RNF34: variants seen among roughly 807,000 people sequenced by gnomAD.
The protein encoded by RNF34 is E3 ubiquitin-protein ligase RNF34.
Under a neutral mutation model 37.9 loss-of-function variants are expected in RNF34, and 12 were observed. The observed-to-expected ratio is 0.32, with a 90% CI of 0.20 to 0.51. The LOEUF (loss-of-function observed/expected upper bound fraction) is 0.51. Among genes scored for constraint, RNF34 ranks in the 20% least tolerant of loss-of-function variants. The pLI is 0.97. For synonymous variants in RNF34, 155 were observed against 177.2 expected (o/e 0.87, Z 1.00); for missense variants, 362 against 472.7 (o/e 0.77, Z 2.17).
intron 1 of RNF34, among the ~76,000 whole-genome samples, chr12:121,414,690 C>T (rs556518285): frequency 1.3e-5 from 2 of 152,038 alleles, no homozygotes; most frequent in African/African-American, 2.4e-5. Flanking sequence ...GTTGTTTTTT[C>T]GAGATGGACT....
At chr12:121,402,995 C>G (rs1870143704) in intron 1 of RNF34, among the ~76,000 whole-genome samples, 1 of 152,138 alleles carries the variant, frequency 6.6e-6, no homozygotes, top group African/African-American at 2.4e-5. Context: ...GATATTTGGT[C>G]ACTAAGAAAG....
rs1288815236 is a variant in RNF34 at position 121,423,331 on chromosome 12, G to A, written c.929-55G>A. On this transcript the variant is annotated intron_variant, in intron 5 of 5. Coordinates refer to ENST00000361234, the MANE Select transcript of RNF34 (RefSeq NM_025126.4). This position sits in a 1 kb window ranked among gnomAD's most constrained non-coding sequence, Gnocchi z 4.3. ...TGCTCAGCTTCGGACTGGGAGGGTGGCTGGCTGACTGGCCATGCCTGAAGC... is the reference window on the plus strand; with the variant it reads ...TGCTCAGCTTCGGACTGGGAGGGTGACTGGCTGACTGGCCATGCCTGAAGC... 3.5e-6 allele frequency: 5 copies of A among 1,435,752 alleles called. No individual in the cohort carries two copies. In the Admixed American group the frequency reaches 1.0e-4, roughly 30 times the overall value. 88.9% of individuals were successfully genotyped at this position (1,435,752 alleles called of 1,614,324 possible).
intron 3 of RNF34, chr12:121,419,832 G>C (rs1461502117): frequency 1.2e-5 from 2 of 161,156 alleles, no homozygotes; most frequent in African/African-American, 4.8e-5. Context: ...AGATGCCCCT[G>C]ATGCTTGGGC....
chr12:121,420,104 G>A, intron 3 of RNF34, 138 bp from the exon 4 acceptor site: 2 of 732,800 alleles, frequency 2.7e-6, no homozygotes, highest in Non-Finnish European at 4.5e-6. Context: ...TTTTTGGAAG[G>A]GTCAGCAGCA....
chr12:121,400,716 C>T (rs1869901395), intron 1 of RNF34, among the ~76,000 whole-genome samples: 1 of 152,140 alleles, frequency 6.6e-6, no homozygotes, highest in African/African-American at 2.4e-5. Context: ...GGGGATGCCA[C>T]CCGGAAGGGG....
At position 121,417,963 on chromosome 12, in the gene RNF34, C is replaced by T. The variant is rs782756762; in HGVS notation, c.633+52C>T. The T allele has an allele frequency of 4.7e-5, 74 of 1,561,834 alleles. No homozygotes were observed. In the Admixed American group the frequency reaches 5.4e-4, roughly 11 times the overall value. ...AGGGCCCGGCACGCTTATTCTTGGC[C>T]GTATATGGTGGGGCCTTTAGTGCTT... On this transcript the variant is annotated intron_variant, in intron 3 of 5. Transcript: ENST00000361234. The surrounding 1 kb of genome is among the most constrained non-coding windows in gnomAD (Gnocchi z 5.0).
chr12:121,413,977 T>C (rs1270353727), intron 1 of RNF34, among the ~76,000 whole-genome samples: 2 of 152,208 alleles, frequency 1.3e-5, no homozygotes, highest in African/African-American at 2.4e-5. Context: ...GTTTGAACCT[T>C]GTGTTGTGGT....
At chr12:121,405,192 G>A (rs1424667683) in intron 1 of RNF34, 1 of 152,216 alleles carries the variant, frequency 6.6e-6, no homozygotes, top group African/African-American at 2.4e-5. Context: ...TCATTTTTGG[G>A]GAGGGAACAG....
intron 1 of RNF34, 133 bp downstream of exon 1, chr12:121,400,351 C>A: frequency 8.9e-7 from 1 of 1,118,246 alleles, no homozygotes; most frequent in Non-Finnish European, 1.2e-6. Flanking sequence ...AGGGGGGTCG[C>A]TTGCCCGGCT....
intron 1 of RNF34, chr12:121,405,071 T>C (rs1172920177): frequency 3.9e-5 from 6 of 152,268 alleles, no homozygotes; most frequent in African/African-American, 1.4e-4. Context: ...TATAACCTTA[T>C]TGGCTGGAAA....
At chr12:121,413,830 C>T (rs1871326784) in intron 1 of RNF34, among the ~76,000 whole-genome samples, 2 of 152,120 alleles carry the variant, frequency 1.3e-5, no homozygotes, top group African/African-American at 4.8e-5. Context: ...CCGCCTCAGC[C>T]TCCCAAAGTG....
chr12:121,400,655 A>T (rs1469191312), intron 1 of RNF34, among the ~76,000 whole-genome samples: 2 of 152,122 alleles, frequency 1.3e-5, no homozygotes, highest in African/African-American at 4.8e-5. Flanking sequence ...GGAGGGGTGC[A>T]GGGGGTGGTG....
At chr12:121,404,626 A>G (rs1555280453) in intron 1 of RNF34, among the ~76,000 whole-genome samples, 1 of 151,830 alleles carries the variant, frequency 6.6e-6, no homozygotes, top group Non-Finnish European at 1.5e-5. Flanking sequence ...CCTGACCTCA[A>G]GTGATTCTGG....
In RNF34 at chr12:121,403,245, A is replaced by C. The variant is rs189929462; in HGVS notation, c.6+3027A>C. On this transcript the variant is annotated intron_variant, in intron 1 of 5. Coordinates refer to ENST00000361234, the MANE Select transcript of RNF34 (RefSeq NM_025126.4). Reference sequence around the variant, plus strand: ...CCCTGTCTCTACTAAAAATACAAAAAATTAGCTGGATGTGGTGGCGGGCGC... The same window carrying C: ...CCCTGTCTCTACTAAAAATACAAAACATTAGCTGGATGTGGTGGCGGGCGC... Among the ~76,000 whole-genome samples the C allele has an allele frequency of 4.5e-4, 68 of 152,172 alleles. 2 individuals are homozygous for C. The East Asian group carries it at 0.011, about 25-fold the overall frequency.
rs1555282458 is a variant in RNF34, at chr12:121,417,782, G to C, written c.504G>C (p.Arg168Ser). 2 of 1,614,128 alleles carry C rather than the reference G, an allele frequency of 1.2e-6. No homozygotes were observed. Among genetic ancestry groups the C allele is most frequent in the South Asian group, 2.2e-5 (2 of 91,062 alleles). ...DMDTSSLNSS[R>S]SQTSSFFTRS... is the part of the protein sequence containing the mutation. ...ACACAAGCAGTCTGAATTCTTCAAGGTCCCAGACTTCTAGCTTTTTTACAC... is the reference window on the plus strand; with the variant it reads ...ACACAAGCAGTCTGAATTCTTCAAGCTCCCAGACTTCTAGCTTTTTTACAC... The change falls in exon 3 of 6, where the codon AGG becomes AGC. Residue 168 changes from arginine to serine, a missense_variant. Transcript: ENST00000361234. The surrounding 1 kb of genome is among the most constrained non-coding windows in gnomAD (Gnocchi z 5.0).
chr12:121,406,615 GT>G (rs1457033218), intron 1 of RNF34, among the ~76,000 whole-genome samples: 7 of 152,146 alleles, frequency 4.6e-5, no homozygotes, highest in African/African-American at 1.7e-4. Context: ...ACGATACCTG[GT>G]TTTTAACTGA....
intron 1 of RNF34, among the ~76,000 whole-genome samples, chr12:121,408,143 A>T (rs2136918726): frequency 6.6e-6 from 1 of 152,154 alleles, no homozygotes; most frequent in Middle Eastern, 3.4e-3. Context: ...CCGTCTCTAA[A>T]AAAATAAAAA....
intron 5 of RNF34, 102 bp downstream of exon 5, chr12:121,420,880 C>G (rs1872066921): frequency 1.2e-6 from 1 of 858,202 alleles, no homozygotes; most frequent in Middle Eastern, 3.1e-4. Context: ...TTTGAGAAAG[C>G]TGTGTACCAT....
rs11830100 is a variant in RNF34 at position 121,410,150 on chromosome 12, G to A, written c.7-6009G>A. Among the ~76,000 whole-genome samples, 319 of 142,862 alleles carry A rather than the reference G, an allele frequency of 2.2e-3. 3 individuals carry two copies. The highest frequency in any genetic ancestry group is 8.5e-3 in the African/African-American group (292 of 34,358). The allele number at this position is 142,862 out of a possible 152,430, so 93.7% of individuals were successfully genotyped here. The stretch of plus-strand genomic sequence containing the variant: ...ACCTGGGCAACAAGAGCGAAACTCC[G>A]TCTCAAAAAAAAAGAAAAGGAATTA... On this transcript the variant is annotated intron_variant, in intron 1 of 5. Transcript: ENST00000361234.
Sources: allele counts gnomAD v4.1 joint callset (sites outside exome capture counted in the v4.1 genomes callset), GRCh38; gene constraint gnomAD v4.1.1; non-coding constraint Gnocchi (gnomAD v3.1); transcripts MANE v1.5; gene names NCBI Gene and HGNC (gene_info 2026-07-23, HGNC 2026-07-21).